The following FHOD3 variants were observed in gnomAD, a reference collection of about 807,000 sequenced individuals.
FHOD3 encodes the protein FH1/FH2 domain-containing protein 3.
FHOD3 carries 90 observed loss-of-function variants against 173.0 expected under a neutral mutation model. The ratio of observed to expected loss-of-function variants is 0.52; its 90% CI spans 0.44 to 0.62. The LOEUF (loss-of-function observed/expected upper bound fraction) is 0.62. FHOD3 is among the 20% of genes least tolerant of loss of function. FHOD3 has a pLI of 0.00. For synonymous variants in FHOD3, 828 were observed against 823.0 expected, an observed-to-expected ratio of 1.01 and a Z score of -0.10; for missense variants, 1,945 against 2,034.7, an observed-to-expected ratio of 0.96 and a Z score of 0.85.
chr18:36,380,558 T>TTTCC (rs1488494277), intron 3 of FHOD3, among the ~76,000 whole-genome samples: 3 of 61,638 alleles, frequency 4.9e-5, no homozygotes, highest in African/African-American at 1.7e-4. Flanking sequence ...TTTTGTTTTC[T>TTTCC]TTTCTTTTCT....
chr18:36,716,910 GTGTA>G (rs1393468693), intron 18 of FHOD3, among the ~76,000 whole-genome samples: 7 of 143,650 alleles, frequency 4.9e-5, no homozygotes, highest in South Asian at 2.2e-4. Flanking sequence ...AATTATATAT[GTGTA>G]TGTGTGTGTG....
chr18:36,565,002 C>T (rs2147755926), intron 5 of FHOD3, among the ~76,000 whole-genome samples: 1 of 152,272 alleles, frequency 6.6e-6, no homozygotes. Context: ...GAATTGGCAG[C>T]TTATTCTCCT....
chr18:36,680,577 TC>T (rs1275603304), intron 14 of FHOD3, among the ~76,000 whole-genome samples: 4 of 152,240 alleles, frequency 2.6e-5, no homozygotes, highest in African/African-American at 9.6e-5. Flanking sequence ...TTTTCTCTTC[TC>T]CCACTCATTC....
chr18:36,314,864 A>G (rs532811799), intron 1 of FHOD3, among the ~76,000 whole-genome samples: 18 of 152,272 alleles, frequency 1.2e-4, no homozygotes, highest in African/African-American at 3.4e-4. Context: ...GGGGAGATCT[A>G]TGTGGTTCTC....
rs368663725 is a variant in FHOD3, at chr18:36,601,480, A to G, written c.719-1194A>G. 4.8e-4 allele frequency among the ~76,000 whole-genome samples: 73 copies of G among 152,214 alleles called. 1 individual carries two copies. Among genetic ancestry groups the G allele is most frequent in the Middle Eastern group, 3.4e-3 (1 of 294 alleles). On this transcript the variant is annotated intron_variant, in intron 7 of 28. Coordinates refer to ENST00000590592, the MANE Select transcript of FHOD3 (RefSeq NM_001281740.3). ...ACTTCCTGCCTTCTCAGAGATCTCCATTCACTATTCAGCAGACATTTTACT... is the reference window on the plus strand; with the variant it reads ...ACTTCCTGCCTTCTCAGAGATCTCCGTTCACTATTCAGCAGACATTTTACT...
At chr18:36,530,727 TA>T (rs1295213345) in intron 5 of FHOD3, among the ~76,000 whole-genome samples, 4 of 152,216 alleles carry the variant, frequency 2.6e-5, no homozygotes, top group African/African-American at 9.6e-5. Flanking sequence ...AGGATTTACC[TA>T]GGGGTAGAAT....
intron 15 of FHOD3, among the ~76,000 whole-genome samples, chr18:36,686,503 A>AGG (rs745571595): frequency 1.3e-5 from 2 of 150,482 alleles, no homozygotes; most frequent in South Asian, 4.2e-4. Flanking sequence ...GGGATTGGGG[A>AGG]GGGAGAGCAT....
At chr18:36,573,156 T>TTC (rs1218914864) in intron 5 of FHOD3, among the ~76,000 whole-genome samples, 6 of 151,652 alleles carry the variant, frequency 4.0e-5, no homozygotes, top group Non-Finnish European at 8.8e-5. Context: ...TGTTCTTTTT[T>TTC]TTTTTTTTAA....
intron 20 of FHOD3, among the ~76,000 whole-genome samples, chr18:36,738,787 C>T (rs2041765752): frequency 6.6e-6 from 1 of 152,230 alleles, no homozygotes; most frequent in Non-Finnish European, 1.5e-5. Flanking sequence ...TCCCATCGAT[C>T]TAGGTGTCTA....
intron 8 of FHOD3, among the ~76,000 whole-genome samples, chr18:36,607,948 A>G (rs1218782768): frequency 2.6e-5 from 4 of 152,186 alleles, no homozygotes; most frequent in African/African-American, 9.7e-5. Context: ...CACTTCAGCA[A>G]TCTCTAAGAA....
intron 14 of FHOD3, among the ~76,000 whole-genome samples, chr18:36,677,327 A>G (rs1167933514): frequency 6.6e-6 from 1 of 151,640 alleles, no homozygotes; most frequent in African/African-American, 2.4e-5. Context: ...CTAATTTTGT[A>G]TTTTTAGTAG....
chr18:36,692,788 G>C (rs72897592), intron 16 of FHOD3, among the ~76,000 whole-genome samples: 1 of 152,044 alleles, frequency 6.6e-6, no homozygotes, highest in East Asian at 1.9e-4. Context: ...TATATGGGGG[G>C]CATTTTTTTT....
At chr18:36,441,257 C>T (rs989284209) in intron 3 of FHOD3, among the ~76,000 whole-genome samples, 2 of 152,108 alleles carry the variant, frequency 1.3e-5, no homozygotes, top group South Asian at 2.1e-4. Context: ...CCCACCAATG[C>T]GAGGTGAGGA....
At chr18:36,619,293 A>C (rs866100602) in intron 9 of FHOD3, among the ~76,000 whole-genome samples, 4 of 152,274 alleles carry the variant, frequency 2.6e-5, no homozygotes, top group Middle Eastern at 3.4e-3. Flanking sequence ...GGAAGCTCTG[A>C]CTGTATCTGA....
At chr18:36,483,756 A>ATC (rs2054052543) in intron 3 of FHOD3, among the ~76,000 whole-genome samples, 1 of 152,240 alleles carries the variant, frequency 6.6e-6, no homozygotes, top group African/African-American at 2.4e-5. Context: ...ACATTTCGCC[A>ATC]TCGGAGAAGC....
chr18:36,317,280 A>G (rs1456566976), intron 1 of FHOD3, among the ~76,000 whole-genome samples: 1 of 152,162 alleles, frequency 6.6e-6, no homozygotes, highest in Non-Finnish European at 1.5e-5. Context: ...CTGGTTCTAG[A>G]TCCTTGAGGA....
chr18:36,540,702 A>C (rs749025673), intron 5 of FHOD3, among the ~76,000 whole-genome samples: 10 of 152,124 alleles, frequency 6.6e-5, no homozygotes, highest in Non-Finnish European at 1.5e-4. Context: ...AGGGTGATTG[A>C]CTGGAAAGTG....
intron 18 of FHOD3, among the ~76,000 whole-genome samples, chr18:36,717,290 G>A (rs187414494): frequency 5.9e-5 from 9 of 152,302 alleles, no homozygotes; most frequent in African/African-American, 1.7e-4. Flanking sequence ...GAGATTGCCA[G>A]GCAGCATTCA....
intron 19 of FHOD3, among the ~76,000 whole-genome samples, chr18:36,726,370 G>T (rs375816005): frequency 5.3e-5 from 8 of 152,168 alleles, no homozygotes; most frequent in African/African-American, 1.9e-4. Context: ...GGGGTTGTCT[G>T]GTTTCTCATC....
Sources: allele counts gnomAD v4.1 joint callset (sites outside exome capture counted in the v4.1 genomes callset), GRCh38; gene constraint gnomAD v4.1.1; transcripts MANE v1.5; gene names NCBI Gene and HGNC (gene_info 2026-07-23, HGNC 2026-07-21).